DCTN4: variants seen among roughly 807,000 people sequenced by gnomAD.
DCTN4 encodes dynactin 4 (p62).
DCTN4 carries 23 observed loss-of-function variants against 62.7 expected under a neutral mutation model. That is an observed-to-expected ratio of 0.37 (90% CI 0.26 to 0.52). The LOEUF (loss-of-function observed/expected upper bound fraction) is 0.52, where lower values mean the gene tolerates loss of function less well. DCTN4 is among the 20% of genes least tolerant of loss of function. DCTN4 has a pLI of 0.92. For missense variants in DCTN4, 514 were observed against 580.4 expected (o/e 0.89, Z 1.18); for synonymous variants, 199 against 202.1 (o/e 0.98, Z 0.13).
At chr5:150,727,693 G>A (rs1344424874) in intron 8 of DCTN4, among the ~76,000 whole-genome samples, 2 of 148,476 alleles carry the variant, frequency 1.3e-5, no homozygotes, top group South Asian at 2.1e-4. Context: ...GGAGAATGGC[G>A]TGAACCCGGG....
intron 2 of DCTN4, chr5:150,755,611 T>C (rs955426999): frequency 8.8e-6 from 4 of 455,914 alleles, no homozygotes; most frequent in African/African-American, 8.0e-5. Context: ...GAAATGACAT[T>C]CTATAAAATA....
At chr5:150,727,034 T>A (rs1480816027) in intron 8 of DCTN4, among the ~76,000 whole-genome samples, 1 of 152,132 alleles carries the variant, frequency 6.6e-6, no homozygotes, top group Non-Finnish European at 1.5e-5. Context: ...TTTAATAATA[T>A]GGTGCCACTG....
chr5:150,750,308 A>AT (rs1752627719), intron 3 of DCTN4, among the ~76,000 whole-genome samples: 1 of 152,214 alleles, frequency 6.6e-6, no homozygotes, highest in South Asian at 2.1e-4. Flanking sequence ...GTCTGGAAAA[A>AT]TTTTAGAGTC....
At chr5:150,715,462 A>G in intron 12 of DCTN4, 103 bp downstream of exon 12, 1 of 805,908 alleles carries the variant, frequency 1.2e-6, no homozygotes. Flanking sequence ...TAGAAACAGG[A>G]AGAAAAAAGT....
intron 8 of DCTN4, among the ~76,000 whole-genome samples, chr5:150,726,149 T>G (rs185886567): frequency 6.6e-6 from 1 of 152,348 alleles, no homozygotes; most frequent in African/African-American, 2.4e-5. Context: ...AAATGAATGT[T>G]GTTTGAAATA....
In DCTN4 at chr5:150,746,222, C is replaced by T. The variant is rs527984182; in HGVS notation, c.386-4065G>A. On this transcript the variant is annotated intron_variant, in intron 3 of 12. Transcript: ENST00000447998. ...ATGGATAAATTCCTCGACATATATA[C>T]TCTCCCAAGACTAAACCAGCAAGAA... 9.2e-5 allele frequency among the ~76,000 whole-genome samples: 14 copies of T among 152,294 alleles called. No homozygotes were observed. In the East Asian group the frequency reaches 1.9e-3, roughly 21 times the overall value.
chr5:150,723,274 G>A (rs995025002), intron 8 of DCTN4, among the ~76,000 whole-genome samples: 2 of 152,072 alleles, frequency 1.3e-5, no homozygotes, highest in African/African-American at 4.8e-5. Context: ...GTGCTCACTG[G>A]TTTAACTGGA....
At chr5:150,714,969 C>T (rs1175814511) in intron 12 of DCTN4, among the ~76,000 whole-genome samples, 2 of 152,106 alleles carry the variant, frequency 1.3e-5, no homozygotes, top group African/African-American at 2.4e-5. Flanking sequence ...AAAATTGCTA[C>T]TTCAGTGTTC....
In DCTN4 at chr5:150,744,534, C is replaced by T. The variant is rs191713553; in HGVS notation, c.386-2377G>A. Among the ~76,000 whole-genome samples the T allele has an allele frequency of 3.3e-3, 501 of 152,234 alleles. 2 individuals carry two copies. The highest frequency in any genetic ancestry group is 0.011 in the African/African-American group (455 of 41,538). On this transcript the variant is annotated intron_variant, in intron 3 of 12. Transcript: ENST00000447998. ...TGAAAGAAAAAACTTAAAGGGCAGC[C>T]AGAGAGAAAGGTCAGGTTACCCACA...
chr5:150,712,102 A>T (rs1049992673), intron 12 of DCTN4, among the ~76,000 whole-genome samples: 17 of 152,126 alleles, frequency 1.1e-4, no homozygotes, highest in Admixed American at 5.9e-4. Context: ...ATTTCTATAG[A>T]ACATAGACTC....
At chr5:150,711,512 T>G (rs1759564412) in intron 12 of DCTN4, 150 bp from the exon 13 acceptor site, 3 of 689,024 alleles carry the variant, frequency 4.4e-6, no homozygotes, top group Non-Finnish European at 7.1e-6. Flanking sequence ...AAGTATTTTT[T>G]TGTTTTGTTT....
chr5:150,722,086 G>A (rs1471625598), intron 9 of DCTN4, among the ~76,000 whole-genome samples: 4 of 152,082 alleles, frequency 2.6e-5, no homozygotes, highest in African/African-American at 7.2e-5. Flanking sequence ...TCAGGCTTCC[G>A]AAGTGCTGGG....
chr5:150,758,101 TTA>T, intron 1 of DCTN4: 1 of 985,576 alleles, frequency 1.0e-6, no homozygotes, highest in Non-Finnish European at 1.2e-6. Flanking sequence ...ACAGCGCATT[TTA>T]TGTCTTACTC....
chr5:150,734,928 A>T (rs1760520283), intron 4 of DCTN4, among the ~76,000 whole-genome samples: 1 of 152,156 alleles, frequency 6.6e-6, no homozygotes, highest in Non-Finnish European at 1.5e-5. Flanking sequence ...CCCCCTGGGA[A>T]CATAACTCCA....
intron 11 of DCTN4, among the ~76,000 whole-genome samples, chr5:150,717,583 T>C (rs17111292): frequency 0.011 from 1,684 of 152,246 alleles, 30 homozygotes; most frequent in African/African-American, 0.037. Flanking sequence ...CTTTGTAAGG[T>C]AGAGGAATCT....
At chr5:150,739,879 A>G (rs1004382477) in intron 4 of DCTN4, among the ~76,000 whole-genome samples, 3 of 152,222 alleles carry the variant, frequency 2.0e-5, no homozygotes, top group African/African-American at 7.2e-5. Context: ...ACCTAAATGT[A>G]GAAGAATGAA....
intron 3 of DCTN4, among the ~76,000 whole-genome samples, chr5:150,747,005 G>C (rs1394510377): frequency 1.3e-5 from 2 of 152,076 alleles, no homozygotes; most frequent in African/African-American, 4.8e-5. Flanking sequence ...AATTGTCCCT[G>C]TTTGCAGATG....
At chr5:150,758,755 A>C (rs1382152023) in intron 1 of DCTN4, 104 bp downstream of exon 1, 2 of 1,495,750 alleles carry the variant, frequency 1.3e-6, no homozygotes, top group East Asian at 2.3e-5. Flanking sequence ...AGACATAACC[A>C]ATCAGTAAGG....
In DCTN4 at chr5:150,711,183, T is replaced by C; in HGVS notation, c.1349A>G (p.His450Arg). The C allele has an allele frequency of 6.2e-7, 1 of 1,612,418 alleles. No homozygotes were observed. The highest frequency in any genetic ancestry group is 8.5e-7 in the Non-Finnish European group (1 of 1,180,032). Residue 450 changes from histidine (H) to arginine (R), a missense_variant, in exon 13 of 13, where the codon CAT becomes CGT. His to Arg is a conservative substitution (Grantham distance 29). Coordinates refer to ENST00000447998, the MANE Select transcript of DCTN4 (RefSeq NM_016221.4). ...QGTEVIWLTQ[H>R]VELSLGPLLP ...AAGTGGGCCCAAGCTAAGTTCCACATGCTGGGTGAGCCAGATGACTTCTGT... is the reference window on the plus strand; with the variant it reads ...AAGTGGGCCCAAGCTAAGTTCCACACGCTGGGTGAGCCAGATGACTTCTGT...
Sources: allele counts gnomAD v4.1 joint callset (sites outside exome capture counted in the v4.1 genomes callset), GRCh38; gene constraint gnomAD v4.1.1; transcripts MANE v1.5; gene names NCBI Gene and HGNC (gene_info 2026-07-23, HGNC 2026-07-21).